The following MRPS6 variants were observed in gnomAD, a reference collection of about 807,000 sequenced individuals.
The protein encoded by MRPS6 is mitochondrial ribosomal protein S6.
A neutral mutation model predicts 13.1 loss-of-function variants in MRPS6; 6 were observed. The ratio of observed to expected loss-of-function variants is 0.46; its 90% confidence interval spans 0.25 to 0.91. The LOEUF is 0.91. MRPS6 is among the 40% of genes least tolerant of loss of function. The pLI, the probability that MRPS6 is intolerant of heterozygous loss-of-function variation, is 0.18. For synonymous variants in MRPS6, 61 were observed against 56.5 expected (o/e 1.08, Z -0.36); for missense variants, 164 against 155.6 (o/e 1.05, Z -0.29).
chr21:34,126,202 C>T (rs1311884543), intron 2 of MRPS6, among the ~76,000 whole-genome samples: 1 of 152,228 alleles, frequency 6.6e-6, no homozygotes, highest in Non-Finnish European at 1.5e-5. Flanking sequence ...GCCTCCCCTT[C>T]TGTTTCTGGC....
chr21:34,139,559 C>A (rs1980837744), intron 2 of MRPS6, among the ~76,000 whole-genome samples: 1 of 152,100 alleles, frequency 6.6e-6, no homozygotes, highest in Admixed American at 6.5e-5. Context: ...GGAATTTGAT[C>A]ATTTCATCTG....
chr21:34,082,055 G>GTT (rs11327535), intron 1 of MRPS6, among the ~76,000 whole-genome samples: 2 of 143,652 alleles, frequency 1.4e-5, no homozygotes, highest in Non-Finnish European at 3.1e-5. Flanking sequence ...AGGAAATCTG[G>GTT]TTTTTTTTTT....
chr21:34,094,817 A>AC (rs138417271), intron 1 of MRPS6: 173,223 of 173,234 alleles, frequency 1, 86,606 homozygotes, highest in Middle Eastern at 1. Flanking sequence ...ACGTGGCGAG[A>AC]CCTCCTCTAC....
chr21:34,076,687 TA>T lies in MRPS6; in HGVS notation c.45+2946del, dbSNP rs565340118. ...TTTCTGTTTTAGCGTGAAAAGTAGG[TA>T]AAAGTGTGGTTAAATTCTGAAATAT... On this transcript the variant is annotated intron_variant, in intron 1 of 2. Transcript: ENST00000399312. Among the ~76,000 whole-genome samples the T allele has an allele frequency of 1.1e-4, 17 of 152,308 alleles. No individual in the cohort carries two copies. In the South Asian group the frequency reaches 2.5e-3, roughly 22 times the overall value.
intron 1 of MRPS6, chr21:34,102,974 G>C: frequency 2.1e-5 from 21 of 998,908 alleles, no homozygotes; most frequent in Non-Finnish European, 2.5e-5. Flanking sequence ...CTGGATAAAA[G>C]AGTGTTTACT....
chr21:34,095,038 CCAT>C, intron 1 of MRPS6: 2 of 823,272 alleles, frequency 2.4e-6, no homozygotes, highest in Non-Finnish European at 3.6e-6. Flanking sequence ...ACAACCACCA[CCAT>C]CAAGACAGCA....
chr21:34,104,806 G>A lies in MRPS6; in HGVS notation c.46-20535G>A, dbSNP rs147503702. 2.1e-4 allele frequency: 211 copies of A among 1,000,046 alleles called. 1 individual carries two copies. The African/African-American group carries it at 2.4e-3, about 11-fold the overall frequency. The allele number at this position is 1,000,046 out of a possible 1,614,324, so 61.9% of individuals were successfully genotyped here. A position where few individuals can be genotyped will look rare whatever the true frequency, so the allele number is the denominator to read the frequency against. On this transcript the variant is annotated intron_variant, in intron 1 of 2. Transcript: ENST00000399312. The stretch of plus-strand genomic sequence containing the variant: ...AGCTGTTATAACCTGTTAATCCTAC[G>A]TACTATGTGTTCTGTACCTTTACAT...
intron 2 of MRPS6, among the ~76,000 whole-genome samples, chr21:34,126,906 A>T (rs963930732): frequency 4.6e-5 from 7 of 152,178 alleles, no homozygotes; most frequent in Non-Finnish European, 8.8e-5. Context: ...CAGGCTCAAG[A>T]ACTGCTGTGT....
At position 34,108,389 on chromosome 21, in the gene MRPS6, G is replaced by C. The variant is rs548378279; in HGVS notation, c.46-16952G>C. On this transcript the variant is annotated intron_variant, in intron 1 of 2. Coordinates refer to ENST00000399312, the MANE Select transcript of MRPS6 (RefSeq NM_032476.4). ...AGTAACTGCGTGGGTTTGTAGTCTA[G>C]GAACAGTAGGCTACACCACATAGCC... Among the ~76,000 whole-genome samples, 19 of 152,266 alleles carry C rather than the reference G, an allele frequency of 1.2e-4. No individual in the cohort carries two copies. The South Asian group carries it at 3.9e-3, about 32-fold the overall frequency.
chr21:34,084,799 A>T (rs1051942706), intron 1 of MRPS6, among the ~76,000 whole-genome samples: 4 of 152,060 alleles, frequency 2.6e-5, no homozygotes, highest in Non-Finnish European at 4.4e-5. Flanking sequence ...TTATCTTAAA[A>T]TTTTTTTCAT....
At chr21:34,080,195 A>G (rs930587325) in intron 1 of MRPS6, among the ~76,000 whole-genome samples, 1 of 152,216 alleles carries the variant, frequency 6.6e-6, no homozygotes, top group African/African-American at 2.4e-5. Context: ...ACTTATAACA[A>G]GGAAATAGTA....
At chr21:34,139,021 T>A (rs1320318902) in intron 2 of MRPS6, among the ~76,000 whole-genome samples, 2 of 151,412 alleles carry the variant, frequency 1.3e-5, no homozygotes, top group African/African-American at 4.9e-5. Context: ...AAATGATGAG[T>A]TCATGTCCTT....
chr21:34,088,488 G>A (rs910944595), intron 1 of MRPS6, among the ~76,000 whole-genome samples: 4 of 152,160 alleles, frequency 2.6e-5, no homozygotes, highest in Non-Finnish European at 5.9e-5. Context: ...TTTATCTTAC[G>A]TGCTGTTTGC....
chr21:34,138,748 A>G (rs192714096), intron 2 of MRPS6, among the ~76,000 whole-genome samples: 7 of 152,140 alleles, frequency 4.6e-5, no homozygotes, highest in African/African-American at 9.7e-5. Flanking sequence ...TGGACTGTAA[A>G]CTAGTTCAAC....
chr21:34,097,877 T>G (rs938921180), intron 1 of MRPS6: 1 of 997,712 alleles, frequency 1.0e-6, no homozygotes, highest in African/African-American at 1.7e-5. Context: ...TTTGCCAGGT[T>G]CATTTTGTTA....
chr21:34,076,630 A>C (rs1454049736), intron 1 of MRPS6, among the ~76,000 whole-genome samples: 2 of 152,246 alleles, frequency 1.3e-5, no homozygotes, highest in Non-Finnish European at 2.9e-5. Flanking sequence ...TGATTTTTAA[A>C]AAAGTGTGTA....
At chr21:34,121,412 T>C (rs563605967) in intron 1 of MRPS6, among the ~76,000 whole-genome samples, 2 of 152,320 alleles carry the variant, frequency 1.3e-5, no homozygotes, top group South Asian at 4.1e-4. Context: ...TTCAGGTTTG[T>C]ATAACTCATT....
chr21:34,118,555 T>C (rs951308915), intron 1 of MRPS6, among the ~76,000 whole-genome samples: 4 of 143,980 alleles, frequency 2.8e-5, no homozygotes, highest in Non-Finnish European at 4.4e-5. Flanking sequence ...CTTTCTTTCT[T>C]TCTTTTTTTT....
chr21:34,074,290 C>G (rs774425042), intron 1 of MRPS6, among the ~76,000 whole-genome samples: 11 of 152,066 alleles, frequency 7.2e-5, no homozygotes, highest in Non-Finnish European at 1.2e-4. Context: ...TTGTTTGTGC[C>G]GTTGTCTGTA....
Sources: gnomAD v4.1 joint callset for allele counts (sites outside exome capture counted in the v4.1 genomes callset) on GRCh38, gnomAD v4.1.1 for gene constraint, MANE v1.5 for transcripts, NCBI Gene and HGNC (gene_info 2026-07-23, HGNC 2026-07-21) for gene names.